RIMBP2: variants seen among roughly 807,000 people sequenced by gnomAD.
RIMBP2 encodes RIMS binding protein 2.
Under a neutral mutation model 118.6 loss-of-function variants are expected in RIMBP2, and 48 were observed. That is an observed-to-expected ratio of 0.40 (90% CI 0.32 to 0.51). RIMBP2 has a LOEUF of 0.51. RIMBP2 is among the 20% of genes least tolerant of loss of function. RIMBP2 has a pLI of 0.41. For missense variants in RIMBP2, 1,551 were observed against 1,768.3 expected, an observed-to-expected ratio of 0.88 and a Z score of 2.20; for synonymous variants, 762 against 742.9, an observed-to-expected ratio of 1.03 and a Z score of -0.42.
chr12:130,498,018 G>A (rs564222227), intron 4 of RIMBP2, among the ~76,000 whole-genome samples: 221 of 152,376 alleles, frequency 1.5e-3, no homozygotes, highest in African/African-American at 5.0e-3. Flanking sequence ...ATCTGTAGAT[G>A]TGACTTTATA....
chr12:130,490,795 C>G (rs1240012871), intron 4 of RIMBP2, among the ~76,000 whole-genome samples: 2 of 152,124 alleles, frequency 1.3e-5, no homozygotes, highest in African/African-American at 4.8e-5. Context: ...TGCAGTAAAC[C>G]CCTCGGCTTA....
rs202098702 is a variant in RIMBP2 at position 130,584,561 on chromosome 12, T to C, written c.-217+43761A>G. Among the ~76,000 whole-genome samples the C allele has an allele frequency of 2.0e-5, 3 of 146,508 alleles. No individual in the cohort carries two copies. The East Asian group carries it at 6.2e-4, about 30-fold the overall frequency. ...CATCACCACCATCACATCACCACCATCACCTCATCACCACCATTACATCAC... is the reference window on the plus strand; with the variant it reads ...CATCACCACCATCACATCACCACCACCACCTCATCACCACCATTACATCAC... On this transcript the variant is annotated intron_variant, in intron 2 of 22. Coordinates refer to ENST00000690449, the MANE Select transcript of RIMBP2 (RefSeq NM_001393629.1).
intron 4 of RIMBP2, among the ~76,000 whole-genome samples, chr12:130,495,357 C>T (rs768842630): frequency 2.9e-4 from 44 of 152,190 alleles, no homozygotes; most frequent in Non-Finnish European, 3.5e-4. Context: ...CCGTTGTCTC[C>T]TCTTGCCCCT....
chr12:130,644,608 G>A (rs192622792), intron 1 of RIMBP2, among the ~76,000 whole-genome samples: 9 of 152,288 alleles, frequency 5.9e-5, no homozygotes, highest in East Asian at 3.9e-4. Context: ...CAGTGTCTGC[G>A]TATAAAGCCC....
At chr12:130,666,866 G>C (rs1168811892) in intron 1 of RIMBP2, among the ~76,000 whole-genome samples, 1 of 139,052 alleles carries the variant, frequency 7.2e-6, no homozygotes, top group Non-Finnish European at 1.6e-5. Flanking sequence ...AAAGGAGGGA[G>C]GGAGAGAAGG....
chr12:130,694,149 C>A (rs1180235471), intron 1 of RIMBP2, among the ~76,000 whole-genome samples: 3 of 152,206 alleles, frequency 2.0e-5, no homozygotes, highest in Admixed American at 6.5e-5. Flanking sequence ...GTGGTGAATG[C>A]CAGCTGTGTG....
chr12:130,530,201 A>T (rs560543201), intron 2 of RIMBP2, among the ~76,000 whole-genome samples: 22 of 152,276 alleles, frequency 1.4e-4, no homozygotes, highest in Admixed American at 1.4e-3. Flanking sequence ...CTGCGCCAAT[A>T]CTAGAGGGAA....
In RIMBP2 at chr12:130,622,656, A is replaced by G. The variant is rs1170950251; in HGVS notation, c.-217+5666T>C. Among the ~76,000 whole-genome samples the G allele has an allele frequency of 6.6e-6, 1 of 151,960 alleles. No individual in the cohort carries two copies. Among genetic ancestry groups the G allele is most frequent in the Non-Finnish European group, 1.5e-5 (1 of 68,014 alleles). On this transcript the variant is annotated intron_variant, in intron 2 of 22. Transcript: ENST00000690449. This position sits in a 1 kb window ranked among gnomAD's most constrained non-coding sequence, Gnocchi z 8.5. ...TAGTTATATTTTTCCTAATAATTGT[A>G]TTTTTTCCAATAACTACATGACCAT...
chr12:130,628,693 G>A lies in RIMBP2; in HGVS notation c.-351-237C>T, dbSNP rs1431563561. On this transcript the variant is annotated intron_variant, in intron 1 of 22. Coordinates refer to ENST00000690449, the MANE Select transcript of RIMBP2 (RefSeq NM_001393629.1). ...ACCAAATTTCCTGGTATGGAACAGTGCAACAATACAACACAGCCATTGACA... is the reference window on the plus strand; with the variant it reads ...ACCAAATTTCCTGGTATGGAACAGTACAACAATACAACACAGCCATTGACA... Among the ~76,000 whole-genome samples the A allele has an allele frequency of 2.6e-5, 4 of 152,276 alleles. No individual in the cohort carries two copies. The East Asian group carries it at 7.7e-4, about 29-fold the overall frequency.
intron 4 of RIMBP2, among the ~76,000 whole-genome samples, chr12:130,491,395 CCT>C (rs2048626988): frequency 6.6e-6 from 1 of 152,194 alleles, no homozygotes; most frequent in South Asian, 2.1e-4. Context: ...TCCTCCAGGA[CCT>C]CTCTCATATT....
chr12:130,480,411 G>GC (rs1435120666), intron 4 of RIMBP2, among the ~76,000 whole-genome samples: 1 of 152,150 alleles, frequency 6.6e-6, no homozygotes, highest in Non-Finnish European at 1.5e-5. Flanking sequence ...CCACGGGCCT[G>GC]CCCCCCATGT....
At chr12:130,485,962 T>C (rs2082436925) in intron 4 of RIMBP2, among the ~76,000 whole-genome samples, 1 of 152,168 alleles carries the variant, frequency 6.6e-6, no homozygotes, top group African/African-American at 2.4e-5. Flanking sequence ...GAAGACAGCC[T>C]CAGTTTCATC....
At chr12:130,404,568 A>C (rs2074983236) in intron 21 of RIMBP2, among the ~76,000 whole-genome samples, 1 of 152,186 alleles carries the variant, frequency 6.6e-6, no homozygotes, top group Non-Finnish European at 1.5e-5. Context: ...CGCATGAGTC[A>C]CCGTGCCCGG....
rs2076298901 is a variant in RIMBP2, at chr12:130,419,614, A to T, written c.3238+2839T>A. ...CAAAGCTTTGTCAATAGAGTTACTA[A>T]TGTTTTTATTTTTCCTCCCTGGACA... On this transcript the variant is annotated intron_variant, in intron 17 of 22. Transcript: ENST00000690449. This position sits in a 1 kb window ranked among gnomAD's most constrained non-coding sequence, Gnocchi z 4.3. 1 of 152,210 alleles carries T rather than the reference A, an allele frequency of 6.6e-6. No homozygotes were observed. The highest frequency in any genetic ancestry group is 1.5e-5 in the Non-Finnish European group (1 of 68,030). The allele number at this position is 152,210 out of a possible 1,614,324, so 9.4% of individuals were successfully genotyped here. A position where few individuals can be genotyped will look rare whatever the true frequency, so the allele number is the denominator to read the frequency against.
intron 19 of RIMBP2, among the ~76,000 whole-genome samples, chr12:130,410,612 G>C (rs1412059936): frequency 1.3e-5 from 2 of 152,200 alleles, no homozygotes; most frequent in Non-Finnish European, 2.9e-5. Flanking sequence ...TGATTGAAAA[G>C]AGCATCCTTT....
At chr12:130,588,805 C>T (rs567749462) in intron 2 of RIMBP2, among the ~76,000 whole-genome samples, 1 of 152,220 alleles carries the variant, frequency 6.6e-6, no homozygotes, top group South Asian at 2.1e-4. Context: ...AGCTCAGTAG[C>T]TTCCCTAAGT....
intron 6 of RIMBP2, among the ~76,000 whole-genome samples, chr12:130,463,671 C>T (rs1402170223): frequency 6.6e-6 from 1 of 152,064 alleles, no homozygotes; most frequent in East Asian, 1.9e-4. Context: ...GGTCCAGGCT[C>T]ACCGGGTCAC....
intron 4 of RIMBP2, among the ~76,000 whole-genome samples, chr12:130,489,284 G>T (rs2048404187): frequency 6.6e-6 from 1 of 152,138 alleles, no homozygotes; most frequent in Non-Finnish European, 1.5e-5. Context: ...GTGTACGCCT[G>T]GATGAGGGCA....
At chr12:130,471,492 G>A (rs898505845) in intron 5 of RIMBP2, among the ~76,000 whole-genome samples, 4 of 152,144 alleles carry the variant, frequency 2.6e-5, no homozygotes, top group Non-Finnish European at 2.9e-5. Context: ...TGTAGCCCTC[G>A]GCATAGTTCC....
Sources: gnomAD v4.1 joint callset for allele counts (sites outside exome capture counted in the v4.1 genomes callset) on GRCh38, gnomAD v4.1.1 for gene constraint, Gnocchi (gnomAD v3.1) non-coding constraint, MANE v1.5 for transcripts, NCBI Gene and HGNC (gene_info 2026-07-23, HGNC 2026-07-21) for gene names.